CTNNA3: variants seen among roughly 807,000 people sequenced by gnomAD.
The protein encoded by CTNNA3 is catenin alpha 3, also known as catenin alpha-3.
CTNNA3 carries 76 observed loss-of-function variants against 95.7 expected under a neutral mutation model. The ratio of observed to expected loss-of-function variants is 0.79; its 90% CI spans 0.66 to 0.96. The LOEUF (loss-of-function observed/expected upper bound fraction) is 0.96. CTNNA3 is among the 40% of genes least tolerant of loss of function. The probability of loss-of-function intolerance (pLI) is 0.00; values close to 1 mark genes in which losing one functional copy is unlikely to be tolerated. For synonymous variants in CTNNA3, 431 were observed against 374.4 expected (o/e 1.15, Z -1.74); for missense variants, 1,191 against 1,089.8 (o/e 1.09, Z -1.31).
intron 7 of CTNNA3, among the ~76,000 whole-genome samples, chr10:67,047,053 CTG>C (rs1384964271): frequency 2.6e-5 from 4 of 152,196 alleles, no homozygotes; most frequent in Non-Finnish European, 5.9e-5. Flanking sequence ...CTGCCTGTAT[CTG>C]ATTCCTTGCT....
intron 9 of CTNNA3, among the ~76,000 whole-genome samples, chr10:66,667,129 A>C (rs927736843): frequency 6.6e-6 from 1 of 152,004 alleles, no homozygotes; most frequent in South Asian, 2.1e-4. Context: ...TATTTTCACT[A>C]CCGCGAGGTT....
At chr10:66,861,829 A>T (rs1361714458) in intron 7 of CTNNA3, among the ~76,000 whole-genome samples, 1 of 152,150 alleles carries the variant, frequency 6.6e-6, no homozygotes, top group Non-Finnish European at 1.5e-5. Flanking sequence ...TAATTATCTT[A>T]CTTGTTTCTT....
At chr10:67,080,615 A>G (rs1856997247) in intron 7 of CTNNA3, among the ~76,000 whole-genome samples, 3 of 152,198 alleles carry the variant, frequency 2.0e-5, no homozygotes, top group Non-Finnish European at 4.4e-5. Context: ...GTGCATAGAA[A>G]AGGTGAAGTA....
intron 12 of CTNNA3, 103 bp from the exon 13 acceptor site, chr10:66,280,724 T>C (rs2091478081): frequency 1.4e-6 from 1 of 734,188 alleles, no homozygotes; most frequent in Non-Finnish European, 2.1e-6. Flanking sequence ...AAATATTTGA[T>C]TAATAGATCT....
At chr10:66,456,154 C>A (rs1245793618) in intron 11 of CTNNA3, among the ~76,000 whole-genome samples, 1 of 151,774 alleles carries the variant, frequency 6.6e-6, no homozygotes, top group African/African-American at 2.4e-5. Context: ...AACAAAATCC[C>A]AGCAGAACTT....
At position 66,103,192 on chromosome 10, in the gene CTNNA3, G is replaced by A. The variant is rs2081721278; in HGVS notation, c.1942C>T (p.His648Tyr). 4.3e-6 allele frequency: 7 copies of A among 1,613,980 alleles called. No homozygotes were observed. Among genetic ancestry groups the A allele is most frequent in the African/African-American group, 1.3e-5 (1 of 74,918 alleles). The change falls in exon 14 of 18, where the codon CAC becomes TAC. Residue 648 changes from histidine to tyrosine, a missense_variant. Coordinates refer to ENST00000433211, the MANE Select transcript of CTNNA3 (RefSeq NM_013266.4). Reference protein sequence around the residue: ...DLEEEHEVRSHTSIQTEGKTD... With the variant: ...DLEEEHEVRSYTSIQTEGKTD... The stretch of plus-strand genomic sequence containing the variant: ...TTCCCTTCGGTCTGAATGCTGGTGT[G>A]ACTGCGGACCTCGTGTTCCTCTTCA...
intron 11 of CTNNA3, among the ~76,000 whole-genome samples, chr10:66,467,502 C>A (rs1838966340): frequency 6.6e-6 from 1 of 152,018 alleles, no homozygotes; most frequent in African/African-American, 2.4e-5. Flanking sequence ...TGGCAGTCCC[C>A]TTTTCCTTGC....
chr10:65,936,408 G>C (rs1327335993), intron 17 of CTNNA3, among the ~76,000 whole-genome samples: 1 of 152,036 alleles, frequency 6.6e-6, no homozygotes, highest in African/African-American at 2.4e-5. Context: ...AAGGGGTCTA[G>C]AAGTAGACTC....
chr10:66,335,875 C>T (rs955092232), intron 12 of CTNNA3, among the ~76,000 whole-genome samples: 1 of 152,212 alleles, frequency 6.6e-6, no homozygotes, highest in South Asian at 2.1e-4. Context: ...TGGTGGGCTC[C>T]ACCCAGTTTG....
At chr10:66,087,450 C>G (rs751381427) in intron 14 of CTNNA3, among the ~76,000 whole-genome samples, 11 of 152,094 alleles carry the variant, frequency 7.2e-5, no homozygotes, top group Non-Finnish European at 1.3e-4. Flanking sequence ...ACCAGAGATG[C>G]TGCTAAACAC....
At chr10:67,412,737 A>C (rs557106507) in intron 5 of CTNNA3, among the ~76,000 whole-genome samples, 124 of 152,188 alleles carry the variant, frequency 8.1e-4, no homozygotes, top group Admixed American at 3.4e-3. Context: ...CCAACCAAAA[A>C]TTTTTATATC....
intron 2 of CTNNA3, among the ~76,000 whole-genome samples, chr10:67,630,207 A>C (rs1398812381): frequency 6.6e-6 from 1 of 152,208 alleles, no homozygotes; most frequent in Non-Finnish European, 1.5e-5. Context: ...ATAGTTATTA[A>C]GGCTGTTCAC....
At chr10:66,706,338 T>C (rs1429915204) in intron 9 of CTNNA3, among the ~76,000 whole-genome samples, 3 of 151,894 alleles carry the variant, frequency 2.0e-5, no homozygotes, top group African/African-American at 2.4e-5. Flanking sequence ...CTACTCATTG[T>C]TGTCAAAAGA....
intron 7 of CTNNA3, among the ~76,000 whole-genome samples, chr10:66,893,372 T>C (rs1001173080): frequency 6.6e-6 from 1 of 152,068 alleles, no homozygotes; most frequent in Non-Finnish European, 1.5e-5. Flanking sequence ...GAATGTTTAA[T>C]TTTGGCCCTC....
In CTNNA3 at chr10:65,916,859, T is replaced by G. The variant is rs1048121765; in HGVS notation, c.*3471A>C. ...ATGAGAACACCCTCAAAATGAAGGT[T>G]CAGGAAGCCGTTGAAGTCACTTACT... On this transcript the variant is annotated 3_prime_UTR_variant, in exon 18 of 18. Transcript: ENST00000433211. The G allele has an allele frequency of 6.6e-6, 1 of 152,156 alleles. No homozygotes were observed. The highest frequency in any genetic ancestry group is 2.4e-5 in the African/African-American group (1 of 41,444). 9.4% of individuals were successfully genotyped at this position (152,156 alleles called of 1,614,324 possible).
At chr10:67,339,139 T>C (rs1842092116) in intron 5 of CTNNA3, among the ~76,000 whole-genome samples, 1 of 152,174 alleles carries the variant, frequency 6.6e-6, no homozygotes, top group Non-Finnish European at 1.5e-5. Context: ...GTTGTCACCT[T>C]TACATGGCCA....
At chr10:67,516,789 C>G (rs1486904193) in intron 5 of CTNNA3, among the ~76,000 whole-genome samples, 1 of 152,140 alleles carries the variant, frequency 6.6e-6, no homozygotes, top group African/African-American at 2.4e-5. Context: ...GGAAAGCACT[C>G]CTCTACCCTC....
intron 11 of CTNNA3, among the ~76,000 whole-genome samples, chr10:66,420,128 T>C (rs1392102930): frequency 6.6e-6 from 1 of 152,076 alleles, no homozygotes; most frequent in Non-Finnish European, 1.5e-5. Flanking sequence ...TACTTCAAAC[T>C]ATCTGACAAT....
At chr10:66,958,459 G>A (rs201290076) in intron 7 of CTNNA3, among the ~76,000 whole-genome samples, 521 of 18,154 alleles carry the variant, frequency 0.029, 4 homozygotes, top group Middle Eastern at 0.071. Context: ...AAAATAAAAA[G>A]CTTTTTTTTT....
Sources: allele counts gnomAD v4.1 joint callset (sites outside exome capture counted in the v4.1 genomes callset), GRCh38; gene constraint gnomAD v4.1.1; transcripts MANE v1.5; gene names NCBI Gene and HGNC (gene_info 2026-07-23, HGNC 2026-07-21).